RBFOX1: variants seen among roughly 807,000 people sequenced by gnomAD.
RBFOX1 encodes the protein RNA binding protein fox-1 homolog 1.
A neutral mutation model predicts 57.7 loss-of-function variants in RBFOX1; 8 were observed. The observed-to-expected ratio is 0.14, with a 90% confidence interval of 0.08 to 0.25. RBFOX1 has a LOEUF of 0.25. RBFOX1 is among the 10% of genes least tolerant of loss of function. RBFOX1 has a pLI of 1.00. For missense variants in RBFOX1, 611 were observed against 548.5 expected, an observed-to-expected ratio of 1.11 and a Z score of -1.14; for synonymous variants, 326 against 222.4, an observed-to-expected ratio of 1.47 and a Z score of -4.15.
At chr16:7,510,165 C>T (rs1218610930) in intron 4 of RBFOX1, 1 of 985,700 alleles carries the variant, frequency 1.0e-6, no homozygotes, top group South Asian at 4.7e-5. Context: ...AGCCCCCCAC[C>T]TTCCTCAACA....
intron 5 of RBFOX1, among the ~76,000 whole-genome samples, chr16:7,533,947 G>T (rs1319040285): frequency 6.6e-6 from 1 of 152,086 alleles, no homozygotes; most frequent in African/African-American, 2.4e-5. Flanking sequence ...AATGGTGGGC[G>T]ATGTTACCTC....
chr16:7,069,829 T>C (rs891770547), intron 4 of RBFOX1, among the ~76,000 whole-genome samples: 2 of 152,198 alleles, frequency 1.3e-5, no homozygotes, highest in Admixed American at 1.3e-4. Context: ...CATGTCTCAA[T>C]TTCCATTCCC....
chr16:6,657,609 A>G (rs1163698123), intron 3 of RBFOX1, among the ~76,000 whole-genome samples: 1 of 152,194 alleles, frequency 6.6e-6, no homozygotes, highest in Non-Finnish European at 1.5e-5. Context: ...ACAGTTGCTC[A>G]CGCACGTGTG....
chr16:6,013,243 A>C (rs567023272), intron 4 of RBFOX1, among the ~76,000 whole-genome samples: 1 of 152,332 alleles, frequency 6.6e-6, no homozygotes, highest in East Asian at 1.9e-4. Flanking sequence ...TCATAAAGTT[A>C]TACTAAATAG....
At chr16:6,058,179 A>T (rs1003983559) in intron 1 of RBFOX1, among the ~76,000 whole-genome samples, 1 of 152,168 alleles carries the variant, frequency 6.6e-6, no homozygotes, top group African/African-American at 2.4e-5. Flanking sequence ...ATGCTTCTTT[A>T]TCACAGAAAT....
At chr16:7,700,367 A>T (rs1453307690) in intron 14 of RBFOX1, among the ~76,000 whole-genome samples, 2 of 152,184 alleles carry the variant, frequency 1.3e-5, no homozygotes, top group Non-Finnish European at 2.9e-5. Context: ...TAGATGGTAT[A>T]ACCAACTCAA....
chr16:6,834,891 AT>A (rs71147607), intron 3 of RBFOX1, among the ~76,000 whole-genome samples: 48,327 of 118,344 alleles, frequency 0.41, 9,237 homozygotes, highest in East Asian at 0.6. Flanking sequence ...TGACTTCTCT[AT>A]TTTTTTTTTT....
intron 13 of RBFOX1, 49 bp from the exon 14 acceptor site, chr16:7,676,725 G>C (rs1391311856): frequency 6.6e-7 from 1 of 1,510,070 alleles, no homozygotes; most frequent in Middle Eastern, 2.2e-4. Context: ...GGGCATCCCT[G>C]CATTGGGCTC....
chr16:7,293,016 C>T (rs1011804575), intron 4 of RBFOX1, among the ~76,000 whole-genome samples: 2 of 152,038 alleles, frequency 1.3e-5, no homozygotes, highest in Non-Finnish European at 2.9e-5. Context: ...GGAAGTAAGG[C>T]AGAGAAAGTC....
At chr16:6,663,646 T>A (rs1447619207) in intron 3 of RBFOX1, among the ~76,000 whole-genome samples, 1 of 152,130 alleles carries the variant, frequency 6.6e-6, no homozygotes, top group Admixed American at 6.5e-5. Flanking sequence ...ACTCACAGAG[T>A]CCCCTGGGGA....
chr16:6,875,863 T>G (rs952339120), intron 3 of RBFOX1, among the ~76,000 whole-genome samples: 3 of 152,176 alleles, frequency 2.0e-5, no homozygotes, highest in Non-Finnish European at 4.4e-5. Context: ...CCAGTCATGG[T>G]GGTCCATGCG....
chr16:7,516,671 C>T (rs907416211), intron 4 of RBFOX1, among the ~76,000 whole-genome samples: 7 of 152,188 alleles, frequency 4.6e-5, no homozygotes, highest in Middle Eastern at 3.4e-3. Flanking sequence ...AGACATTTGG[C>T]GAAATTTGTC....
At chr16:6,270,515 C>T (rs2075082931) in intron 1 of RBFOX1, among the ~76,000 whole-genome samples, 1 of 147,178 alleles carries the variant, frequency 6.8e-6, no homozygotes, top group Non-Finnish European at 1.5e-5. Flanking sequence ...TACAGTGATA[C>T]AGTGTCAGTC....
At chr16:5,998,104 C>A (rs1254662439) in intron 4 of RBFOX1, among the ~76,000 whole-genome samples, 4 of 152,076 alleles carry the variant, frequency 2.6e-5, no homozygotes, top group Non-Finnish European at 5.9e-5. Context: ...CTACCAAGTC[C>A]CTGTACAGCA....
intron 3 of RBFOX1, among the ~76,000 whole-genome samples, chr16:7,037,439 G>C (rs2044832953): frequency 6.6e-6 from 1 of 151,852 alleles, no homozygotes; most frequent in African/African-American, 2.4e-5. Flanking sequence ...CCCTATTCAA[G>C]ATGGAGTTGC....
chr16:6,956,583 G>A (rs954319603), intron 3 of RBFOX1, among the ~76,000 whole-genome samples: 4 of 152,200 alleles, frequency 2.6e-5, no homozygotes, highest in Non-Finnish European at 5.9e-5. Flanking sequence ...CTGGTCAGGT[G>A]TGGGAGACAG....
intron 2 of RBFOX1, among the ~76,000 whole-genome samples, chr16:6,388,326 C>T (rs995055503): frequency 1.3e-5 from 2 of 151,992 alleles, no homozygotes; most frequent in Admixed American, 1.3e-4. Context: ...AAGCTGTTTG[C>T]AGCCATTTTG....
At chr16:6,613,232 T>C (rs1360965630) in intron 2 of RBFOX1, among the ~76,000 whole-genome samples, 1 of 152,066 alleles carries the variant, frequency 6.6e-6, no homozygotes, top group Non-Finnish European at 1.5e-5. Context: ...GCACTTCCCT[T>C]CCCTGTCATA....
intron 3 of RBFOX1, among the ~76,000 whole-genome samples, chr16:6,717,441 C>G (rs926465750): frequency 1.3e-5 from 2 of 152,138 alleles, no homozygotes; most frequent in Non-Finnish European, 2.9e-5. Flanking sequence ...AATGGTGGAT[C>G]TGCATGACAC....
Sources: allele counts gnomAD v4.1 joint callset (sites outside exome capture counted in the v4.1 genomes callset), GRCh38; gene constraint gnomAD v4.1.1; transcripts MANE v1.5; gene names NCBI Gene and HGNC (gene_info 2026-07-23, HGNC 2026-07-21).